Variants in USP9X observed in about 807,000 individuals in gnomAD.
USP9X encodes the protein ubiquitin carboxyl-terminal hydrolase 9X.
USP9X carries 7 observed loss-of-function variants against 190.3 expected under a neutral mutation model. The ratio of observed to expected loss-of-function variants is 0.04; its 90% CI spans 0.02 to 0.07. USP9X has a LOEUF of 0.07. Among genes scored for constraint, USP9X ranks in the 10% least tolerant of loss-of-function variants. The probability of loss-of-function intolerance (pLI) is 1.00; values close to 1 mark genes in which losing one functional copy is unlikely to be tolerated. For synonymous variants in USP9X, 645 were observed against 659.5 expected (o/e 0.98, Z 0.34); for missense variants, 1,010 against 1,916.9 (o/e 0.53, Z 8.83).
At chrX:41,217,833 T>G (rs916264564) in intron 36 of USP9X, among the ~76,000 whole-genome samples, 3 of 111,602 alleles carry the variant, frequency 2.7e-5, no homozygotes, top group Admixed American at 9.5e-5. Context: ...GAAGCTGCAG[T>G]GAGCCATGAC....
intron 43 of USP9X, 43 bp from the exon 44 acceptor site, chrX:41,230,456 TGA>T (rs748590227): frequency 3.6e-6 from 4 of 1,114,142 alleles, no homozygotes; most frequent in Non-Finnish European, 4.9e-6. Context: ...AAAGTAAACT[TGA>T]GTTTGCCTAC....
In USP9X at chrX:41,198,702, A is replaced by G. The variant is rs754576354; in HGVS notation, c.4555A>G (p.Ile1519Val). The change falls in exon 30 of 45, where the codon ATA (isoleucine) becomes GTA (valine). Residue 1519 changes from isoleucine (I) to valine (V), a missense_variant. This residue lies in a region of USP9X where 120 missense variants were observed against 342.7 expected (regional missense o/e 0.35). Coordinates refer to ENST00000378308, the MANE Select transcript of USP9X (RefSeq NM_001039591.3). ...AVGCVRNLKQ[I>V]VDSLTEMYYI... Reference sequence around the variant, plus strand: ...TGGCTGTGTGAGGAATCTCAAACAAATAGTAGATTCTTTGACTGAAATGTA... The same window carrying G: ...TGGCTGTGTGAGGAATCTCAAACAAGTAGTAGATTCTTTGACTGAAATGTA... 3 of 1,211,454 alleles carry G rather than the reference A, an allele frequency of 2.5e-6. No homozygotes were observed. The highest frequency in any genetic ancestry group is 2.2e-5 in the Admixed American group (1 of 46,032).
intron 1 of USP9X, among the ~76,000 whole-genome samples, chrX:41,103,646 G>A (rs2062049899): frequency 1.8e-5 from 2 of 112,236 alleles, no homozygotes; most frequent in Admixed American, 1.9e-4. Flanking sequence ...AGAGCAGTAA[G>A]CATAAGGAAT....
intron 1 of USP9X, among the ~76,000 whole-genome samples, chrX:41,115,630 C>G (rs774886385): frequency 9.8e-5 from 11 of 112,110 alleles, no homozygotes; most frequent in African/African-American, 3.6e-4. Context: ...CTGTAATGTT[C>G]CACAAAAGCA....
chrX:41,105,721 A>G (rs940156721), intron 1 of USP9X, among the ~76,000 whole-genome samples: 10 of 112,065 alleles, frequency 8.9e-5, no homozygotes, highest in East Asian at 2.8e-4. Flanking sequence ...AGGAATCACC[A>G]TATGTTTTCC....
At position 41,105,341 on chromosome X, in the gene USP9X, A is replaced by T. The variant is rs188209327; in HGVS notation, c.-158-18130A>T. Among the ~76,000 whole-genome samples the T allele has an allele frequency of 7.9e-4, 88 of 111,827 alleles. No individual in the cohort carries two copies. The East Asian group carries it at 0.017, about 22-fold the overall frequency. On this transcript the variant is annotated intron_variant, in intron 1 of 44. Transcript: ENST00000378308. ...ATCAATGTGTTGGGGGAAAAGTGGC[A>T]ACCACTATTCTACTTTGTGAATTTG...
At chrX:41,216,716 T>C in intron 35 of USP9X, 64 bp downstream of exon 35, 1 of 1,069,581 alleles carries the variant, frequency 9.3e-7, no homozygotes, top group Admixed American at 2.9e-5. Context: ...CGTCAACATG[T>C]TTAAGTTCAT....
chrX:41,149,790 G>T (rs2062506269), intron 12 of USP9X, among the ~76,000 whole-genome samples: 1 of 108,954 alleles, frequency 9.2e-6, no homozygotes, highest in Admixed American at 9.8e-5. Flanking sequence ...TGCAACCTCC[G>T]CCTCCCAGGT....
Position 41,223,336 on chromosome X carries a change from T to C in USP9X, c.6685T>C (p.Tyr2229His). Residue 2229 changes from tyrosine (Y) to histidine (H), a missense_variant, in exon 39 of 45, where the codon TAC becomes CAC. By Grantham distance (83) the Tyr-to-His change is moderately conservative (BLOSUM62 2). This residue lies in a region of USP9X where 121 missense variants were observed against 281.2 expected (regional missense o/e 0.43). Transcript: ENST00000378308. ...KYQYAELGKL[Y>H]SVVSQLIRCC... ...CCAGTATGCTGAATTAGGCAAATTATACTCAGTAGTGTCACAGCTGATCCG... is the reference window on the plus strand; with the variant it reads ...CCAGTATGCTGAATTAGGCAAATTACACTCAGTAGTGTCACAGCTGATCCG... 1 of 1,211,987 alleles carries C rather than the reference T, an allele frequency of 8.3e-7. No individual in the cohort carries two copies. The highest frequency in any genetic ancestry group is 1.1e-6 in the Non-Finnish European group (1 of 895,502).
intron 1 of USP9X, among the ~76,000 whole-genome samples, chrX:41,115,244 A>AAAAG (rs201847350): frequency 0.24 from 19,475 of 81,027 alleles, 1,496 homozygotes; most frequent in East Asian, 0.39. Flanking sequence ...AAGAAAAAGA[A>AAAAG]AAAAAAAAAA....
At chrX:41,231,938 A>G (rs2239491) in intron 44 of USP9X, among the ~76,000 whole-genome samples, 14,974 of 110,772 alleles carry the variant, frequency 0.14, 931 homozygotes, top group East Asian at 0.22. Flanking sequence ...TCTGTTTTTA[A>G]TCAGCATTAT....
chrX:41,167,207 T>C, intron 16 of USP9X: 1 of 198,969 alleles, frequency 5.0e-6, no homozygotes, highest in South Asian at 8.0e-5. Flanking sequence ...TATCAAGATA[T>C]TAAATTATAG....
intron 15 of USP9X, among the ~76,000 whole-genome samples, chrX:41,164,589 A>G (rs1343729986): frequency 8.9e-6 from 1 of 112,121 alleles, no homozygotes; most frequent in African/African-American, 3.2e-5. Flanking sequence ...AATAGCAACT[A>G]ACTCAAGGAA....
intron 24 of USP9X, among the ~76,000 whole-genome samples, 178 bp from the exon 25 acceptor site, chrX:41,187,814 G>C (rs1602014148): frequency 9.2e-6 from 1 of 108,365 alleles, no homozygotes; most frequent in African/African-American, 3.4e-5. Flanking sequence ...GAGCCAGAGG[G>C]CCCTCCGCCC....
intron 20 of USP9X, 85 bp downstream of exon 20, chrX:41,170,704 T>C: frequency 3.2e-6 from 3 of 943,562 alleles, no homozygotes; most frequent in Non-Finnish European, 4.2e-6. Flanking sequence ...GGTTCTTTCT[T>C]TTCTTGAGGA....
intron 26 of USP9X, 44 bp from the exon 27 acceptor site, chrX:41,196,207 A>T (rs1374375924): frequency 4.2e-6 from 5 of 1,185,274 alleles, no homozygotes; most frequent in East Asian, 3.0e-5. Flanking sequence ...ATCATTTTTT[A>T]AAATGGAAAT....
rs1601992609 is a variant in USP9X at position 41,167,478 on chromosome X, C to T, written c.2329-4C>T. 3 of 1,196,039 alleles carry T rather than the reference C, an allele frequency of 2.5e-6. No individual in the cohort carries two copies. Among genetic ancestry groups the T allele is most frequent in the Non-Finnish European group, 3.4e-6 (3 of 885,479 alleles). On this transcript the variant is annotated splice_polypyrimidine_tract_variant and splice_region_variant and intron_variant, in intron 16 of 44. Coordinates refer to ENST00000378308, the MANE Select transcript of USP9X (RefSeq NM_001039591.3). Reference sequence around the variant, plus strand: ...GATGAATACTTTTATCATTTTGAAACCAGGTCGTGATTCAGAGTAATGATG... The same window carrying T: ...GATGAATACTTTTATCATTTTGAAATCAGGTCGTGATTCAGAGTAATGATG...
In USP9X at chrX:41,216,546, A is replaced by G. The variant is rs2147246415; in HGVS notation, c.5979A>G (p.Lys1993=). ...CAGCCATTGAGAGAAGTGTACGGAA[A>G]CAGAACGTACAATTCATGCATAACC... The part of the protein sequence containing the change: ...MPSAIERSVR[K]QNVQFMHNRM... The change falls in exon 35 of 45, where the codon AAA becomes AAG. Residue 1993 remains lysine (K), a synonymous_variant. Coordinates refer to ENST00000378308, the MANE Select transcript of USP9X (RefSeq NM_001039591.3). 9 of 1,211,463 alleles carry G rather than the reference A, an allele frequency of 7.4e-6. No individual in the cohort carries two copies. Among genetic ancestry groups the G allele is most frequent in the Non-Finnish European group, 1.0e-5 (9 of 895,412 alleles).
Position 41,217,080 on chromosome X carries a change from AT to A in USP9X, c.6086-139del, listed in dbSNP as rs2063219205. The A allele has an allele frequency of 5.9e-6, 4 of 676,258 alleles. 1 individual carries two copies. The South Asian group carries it at 1.3e-4, about 23-fold the overall frequency. The allele number at this position is 676,258 out of a possible 1,213,427, so 55.7% of individuals were successfully genotyped here. A position where few individuals can be genotyped will look rare whatever the true frequency, so the allele number is the denominator to read the frequency against. On this transcript the variant is annotated intron_variant, in intron 35 of 44. Coordinates refer to ENST00000378308, the MANE Select transcript of USP9X (RefSeq NM_001039591.3). Reference sequence around the variant, plus strand: ...CATCTCAAAAAAATAAAATAAAAAAATAAATGGGTCTAAATTAAAGTAGCCT... The same window carrying A: ...CATCTCAAAAAAATAAAATAAAAAAAAAATGGGTCTAAATTAAAGTAGCCT...
Sources: gnomAD v4.1 joint callset for allele counts (sites outside exome capture counted in the v4.1 genomes callset) on GRCh38, gnomAD v4.1.1 for gene constraint, gnomAD v4.1.1 regional missense constraint, MANE v1.5 for transcripts, NCBI Gene and HGNC (gene_info 2026-07-23, HGNC 2026-07-21) for gene names.